GNPDA2: variants seen among roughly 807,000 people sequenced by gnomAD.
The protein encoded by GNPDA2 is glucosamine-6-phosphate deaminase 2, also known as glcN6P deaminase 2.
In GNPDA2, 24 loss-of-function variants were observed where a neutral mutation model predicts 27.0. The observed-to-expected ratio is 0.89, with a 90% CI of 0.64 to 1.25. The LOEUF is 1.25. GNPDA2 is among the 50% of genes most tolerant of loss of function. The pLI, the probability that GNPDA2 is intolerant of heterozygous loss-of-function variation, is 0.00. For missense variants in GNPDA2, 286 were observed against 335.1 expected, an observed-to-expected ratio of 0.85 and a Z score of 1.14; for synonymous variants, 94 against 108.4, an observed-to-expected ratio of 0.87 and a Z score of 0.83.
At chr4:44,705,412 C>G (rs1017417062) in intron 6 of GNPDA2, 7 of 984,848 alleles carry the variant, frequency 7.1e-6, no homozygotes, top group African/African-American at 3.5e-5. Flanking sequence ...ACCCTGAAAC[C>G]TCTTCAGAAA....
chr4:44,715,341 C>A (rs1182272452), intron 4 of GNPDA2, among the ~76,000 whole-genome samples: 1 of 152,106 alleles, frequency 6.6e-6, no homozygotes, highest in Non-Finnish European at 1.5e-5. Flanking sequence ...AGATTTGTCA[C>A]ATGCATACTT....
chr4:44,722,386 T>C, intron 1 of GNPDA2, 144 bp from the exon 2 acceptor site: 1 of 604,652 alleles, frequency 1.7e-6, no homozygotes, highest in Non-Finnish European at 2.8e-6. Context: ...AAGAAGGACA[T>C]GCACATATAC....
At position 44,703,144 on chromosome 4, in the gene GNPDA2, T is replaced by C; in HGVS notation, c.770-2A>G. Reference sequence around the variant, plus strand: ...GTTTATTGTGCACATGCATTAGACCTTAAAGAAAAAAAGCACAGTTCTAGT... The same window carrying C: ...GTTTATTGTGCACATGCATTAGACCCTAAAGAAAAAAAGCACAGTTCTAGT... On this transcript the variant is annotated splice_acceptor_variant, in intron 6 of 6. Transcript: ENST00000295448. LOFTEE classifies it high-confidence loss of function. 1 of 1,604,820 alleles carries C rather than the reference T, an allele frequency of 6.2e-7. No individual in the cohort carries two copies. Among genetic ancestry groups the C allele is most frequent in the Admixed American group, 1.7e-5 (1 of 57,910 alleles).
chr4:44,704,618 T>G, intron 6 of GNPDA2: 2 of 815,548 alleles, frequency 2.5e-6, no homozygotes, highest in Non-Finnish European at 3.0e-6. Flanking sequence ...TGACTTTAGG[T>G]AAAAACTGAC....
chr4:44,715,363 ATAAAT>A (rs1717220880), intron 4 of GNPDA2, among the ~76,000 whole-genome samples: 1 of 152,172 alleles, frequency 6.6e-6, no homozygotes, highest in Non-Finnish European at 1.5e-5. Flanking sequence ...TGTAAGGTCA[ATAAAT>A]TAACAAGGGG....
chr4:44,705,846 G>A (rs1489285066), intron 6 of GNPDA2: 1 of 151,644 alleles, frequency 6.6e-6, no homozygotes, highest in African/African-American at 2.4e-5. Context: ...TTTAAAAATG[G>A]GACTATGAAT....
Position 44,702,373 on chromosome 4 carries a change from C to T in GNPDA2, c.*708G>A. 8 of 943,014 alleles carry T rather than the reference C, an allele frequency of 8.5e-6. No homozygotes were observed. Among genetic ancestry groups the T allele is most frequent in the Non-Finnish European group, 1.0e-5 (8 of 791,338 alleles). 58.4% of individuals were successfully genotyped at this position (943,014 alleles called of 1,614,324 possible). A position where few individuals can be genotyped will look rare whatever the true frequency, so the allele number is the denominator to read the frequency against. On this transcript the variant is annotated 3_prime_UTR_variant, in exon 7 of 7. Coordinates refer to ENST00000295448, the MANE Select transcript of GNPDA2 (RefSeq NM_138335.3). ...CTGAAGTGGCTTGCTAGGTATAAAGCTCATAATTGTCAAGATACTTATATT... is the reference window on the plus strand; with the variant it reads ...CTGAAGTGGCTTGCTAGGTATAAAGTTCATAATTGTCAAGATACTTATATT...
At chr4:44,725,942 G>A (rs1232151774) in intron 1 of GNPDA2, among the ~76,000 whole-genome samples, 1 of 152,110 alleles carries the variant, frequency 6.6e-6, no homozygotes, top group Admixed American at 6.5e-5. Flanking sequence ...TTAATGGCGG[G>A]GCCAAGACCA....
At chr4:44,708,522 T>C (rs1716756961) in intron 5 of GNPDA2, among the ~76,000 whole-genome samples, 1 of 37,178 alleles carries the variant, frequency 2.7e-5, no homozygotes, top group African/African-American at 5.4e-5. Context: ...AACTGTCTTA[T>C]AATCACATAT....
chr4:44,710,696 A>C (rs1472662676), intron 5 of GNPDA2, among the ~76,000 whole-genome samples: 1 of 152,166 alleles, frequency 6.6e-6, no homozygotes, highest in Non-Finnish European at 1.5e-5. Flanking sequence ...TAGGACCTCA[A>C]ACTGGAGCAG....
chr4:44,719,631 T>G (rs922683625), intron 2 of GNPDA2, among the ~76,000 whole-genome samples: 2 of 152,046 alleles, frequency 1.3e-5, no homozygotes, highest in African/African-American at 4.8e-5. Context: ...TCTTCCTTTC[T>G]CGAAGGATAA....
intron 6 of GNPDA2, chr4:44,706,490 A>C (rs1716614520): frequency 6.6e-6 from 1 of 151,960 alleles, no homozygotes; most frequent in Non-Finnish European, 1.5e-5. Context: ...GTGCTTGCCA[A>C]ATGTCAGTTA....
chr4:44,704,094 T>C (rs1716440570), intron 6 of GNPDA2: 1 of 984,982 alleles, frequency 1.0e-6, no homozygotes, highest in African/African-American at 1.7e-5. Flanking sequence ...ATCCCAGCTT[T>C]GAGAAAGACC....
chr4:44,704,934 AGAAT>A (rs940253769), intron 6 of GNPDA2: 3 of 984,022 alleles, frequency 3.0e-6, no homozygotes, highest in Non-Finnish European at 3.6e-6. Flanking sequence ...ATGAAAAGCG[AGAAT>A]GAATAAAACA....
At chr4:44,703,987 C>A in intron 6 of GNPDA2, 2 of 984,950 alleles carry the variant, frequency 2.0e-6, no homozygotes, top group Non-Finnish European at 2.4e-6. Flanking sequence ...GCACTTAATG[C>A]GGTTTTGCAG....
At chr4:44,717,404 A>G (rs1333932729) in intron 3 of GNPDA2, 109 bp from the exon 4 acceptor site, 1 of 572,542 alleles carries the variant, frequency 1.7e-6, no homozygotes, top group African/African-American at 1.9e-5. Context: ...TCTATACCAT[A>G]TTCAATTTAA....
intron 4 of GNPDA2, among the ~76,000 whole-genome samples, chr4:44,713,268 A>C (rs764766040): frequency 1.8e-4 from 27 of 152,174 alleles, no homozygotes; most frequent in Non-Finnish European, 3.5e-4. Context: ...AGCCAATCAA[A>C]ATATCTGTCT....
chr4:44,708,269 T>C (rs1457535222), intron 5 of GNPDA2, among the ~76,000 whole-genome samples: 3 of 152,026 alleles, frequency 2.0e-5, no homozygotes, highest in African/African-American at 4.8e-5. Context: ...GAGTTACAAA[T>C]CTATAAATAA....
chr4:44,704,606 T>C (rs989675241), intron 6 of GNPDA2: 2 of 786,162 alleles, frequency 2.5e-6, no homozygotes, highest in African/African-American at 3.8e-5. Context: ...AAATATTTAC[T>C]GTGACTTTAG....
Sources: allele counts gnomAD v4.1 joint callset (sites outside exome capture counted in the v4.1 genomes callset), GRCh38; gene constraint gnomAD v4.1.1; transcripts MANE v1.5; gene names NCBI Gene and HGNC (gene_info 2026-07-23, HGNC 2026-07-21).